Variants in LRRC69 observed in about 807,000 individuals in gnomAD.
LRRC69 encodes the protein leucine-rich repeat-containing protein 69.
Under a neutral mutation model 37.8 loss-of-function variants are expected in LRRC69, and 42 were observed. The observed-to-expected ratio is 1.11, with a 90% CI of 0.87 to 1.44. The LOEUF is 1.44. LRRC69 is among the 40% of genes most tolerant of loss of function. LRRC69 has a pLI of 0.00. For missense variants in LRRC69, 357 were observed against 401.9 expected, an observed-to-expected ratio of 0.89 and a Z score of 0.96; for synonymous variants, 141 against 143.1, an observed-to-expected ratio of 0.99 and a Z score of 0.11.
At chr8:91,172,942 G>A (rs933826197) in intron 5 of LRRC69, among the ~76,000 whole-genome samples, 2 of 151,966 alleles carry the variant, frequency 1.3e-5, no homozygotes, top group African/African-American at 4.8e-5. Context: ...ACTTATGACT[G>A]TTTTTTCAGT....
chr8:91,153,264 A>G (rs1299482144), intron 5 of LRRC69, among the ~76,000 whole-genome samples: 1 of 151,352 alleles, frequency 6.6e-6, no homozygotes, highest in Admixed American at 6.6e-5. Context: ...ACACAATAAT[A>G]GTAGGAGACT....
At chr8:91,169,362 T>A (rs1809084595) in intron 5 of LRRC69, among the ~76,000 whole-genome samples, 1 of 151,872 alleles carries the variant, frequency 6.6e-6, no homozygotes, top group Non-Finnish European at 1.5e-5. Context: ...AAATACAATT[T>A]ACCTATATAA....
chr8:91,184,172 G>C (rs1216905334), intron 5 of LRRC69, among the ~76,000 whole-genome samples: 1 of 152,064 alleles, frequency 6.6e-6, no homozygotes, highest in East Asian at 1.9e-4. Flanking sequence ...CCAGCTACTT[G>C]GGAGGCTGAG....
intron 3 of LRRC69, among the ~76,000 whole-genome samples, chr8:91,129,796 C>T (rs1419509917): frequency 6.6e-6 from 1 of 151,932 alleles, no homozygotes; most frequent in East Asian, 1.9e-4. Context: ...GCTCTTGCTT[C>T]CTTGTCATCT....
At chr8:91,131,328 C>T (rs1813806027) in intron 3 of LRRC69, among the ~76,000 whole-genome samples, 1 of 151,142 alleles carries the variant, frequency 6.6e-6, no homozygotes, top group South Asian at 2.1e-4. Flanking sequence ...TCCACCTTGG[C>T]CTCCCAAAGT....
chr8:91,179,538 C>T (rs1415590552), intron 5 of LRRC69, among the ~76,000 whole-genome samples: 3 of 152,194 alleles, frequency 2.0e-5, no homozygotes, highest in African/African-American at 7.2e-5. Flanking sequence ...AGATTCATAA[C>T]ATATAAAATA....
intron 6 of LRRC69, among the ~76,000 whole-genome samples, chr8:91,193,967 A>G (rs1809548361): frequency 7.3e-6 from 1 of 136,098 alleles, no homozygotes; most frequent in Non-Finnish European, 1.6e-5. Context: ...CCCATTCAGT[A>G]TGATATTGGC....
chr8:91,149,473 T>C (rs1349472776), intron 5 of LRRC69, among the ~76,000 whole-genome samples: 1 of 151,970 alleles, frequency 6.6e-6, no homozygotes, highest in Non-Finnish European at 1.5e-5. Flanking sequence ...TACCATGCTG[T>C]TTTGGTTACT....
Position 91,200,716 on chromosome 8 carries a change from GA to G in LRRC69, c.862del (p.Thr288HisfsTer10). On this transcript the variant is annotated frameshift_variant, in exon 7 of 8. Transcript: ENST00000448384. LOFTEE classifies it high-confidence loss of function. ...CAAGTCAGGAGCATGATCTCTCAGG[GA>G]AAAACATGTGCAATATGTGGACAGT... 1.3e-6 allele frequency: 2 copies of G among 1,534,938 alleles called. No individual in the cohort carries two copies. The highest frequency in any genetic ancestry group is 1.2e-5 in the South Asian group (1 of 80,398).
Position 91,206,882 on chromosome 8 carries a change from G to A in LRRC69, c.933+6090G>A, listed in dbSNP as rs930855413. On this transcript the variant is annotated intron_variant, in intron 7 of 7. Coordinates refer to ENST00000448384, the Ensembl canonical transcript of LRRC69. ...CAATTTCAGAAAGCTGCCAAGTAGA[G>A]GATATGGGCAGGGAACTCATACATG... The A allele has an allele frequency of 5.0e-5, 63 of 1,267,934 alleles. No individual in the cohort carries two copies. In the African/African-American group the frequency reaches 8.4e-4, roughly 17 times the overall value. 78.5% of individuals were successfully genotyped at this position (1,267,934 alleles called of 1,614,324 possible).
At chr8:91,155,445 T>A (rs961683486) in intron 5 of LRRC69, among the ~76,000 whole-genome samples, 5 of 150,790 alleles carry the variant, frequency 3.3e-5, no homozygotes, top group Non-Finnish European at 7.4e-5. Context: ...AGCATATCCA[T>A]TACCTCAAAT....
intron 1 of LRRC69, among the ~76,000 whole-genome samples, chr8:91,113,545 G>T (rs1307699558): frequency 2.6e-5 from 4 of 151,866 alleles, no homozygotes; most frequent in East Asian, 1.9e-4. Context: ...ATCTCATATG[G>T]TATACAAAAA....
At chr8:91,148,397 A>G (rs570052894) in intron 5 of LRRC69, among the ~76,000 whole-genome samples, 2 of 151,572 alleles carry the variant, frequency 1.3e-5, no homozygotes, top group East Asian at 3.9e-4. Context: ...CCATGTCCCT[A>G]CAAAGGACAT....
rs569387500 is a variant in LRRC69, at chr8:91,136,269, A to G, written c.651+530A>G. Among the ~76,000 whole-genome samples the G allele has an allele frequency of 3.3e-5, 5 of 152,084 alleles. No individual in the cohort carries two copies. The East Asian group carries it at 9.7e-4, about 29-fold the overall frequency. On this transcript the variant is annotated intron_variant, in intron 5 of 7. Transcript: ENST00000448384. Reference sequence around the variant, plus strand: ...TTTTCCTATTGCATTTTTATATCCAATTGAACATGCTTAAACATTCATGGT... The same window carrying G: ...TTTTCCTATTGCATTTTTATATCCAGTTGAACATGCTTAAACATTCATGGT...
intron 7 of LRRC69, among the ~76,000 whole-genome samples, chr8:91,202,302 T>G (rs80331523): frequency 0.013 from 1,951 of 152,288 alleles, 49 homozygotes; most frequent in African/African-American, 0.045. Context: ...GCTAGAAGTT[T>G]AAAATCAGGT....
chr8:91,107,633 A>G (rs1195715713), intron 1 of LRRC69, among the ~76,000 whole-genome samples: 1 of 152,038 alleles, frequency 6.6e-6, no homozygotes, highest in Non-Finnish European at 1.5e-5. Flanking sequence ...TGTTACCATT[A>G]TGATATGACT....
chr8:91,172,008 A>C (rs545233556), intron 5 of LRRC69, among the ~76,000 whole-genome samples: 2 of 151,916 alleles, frequency 1.3e-5, no homozygotes, highest in Non-Finnish European at 2.9e-5. Flanking sequence ...TATTAGTATT[A>C]TCATACATAT....
At chr8:91,167,782 C>CA (rs2130575946) in intron 5 of LRRC69, among the ~76,000 whole-genome samples, 1 of 151,976 alleles carries the variant, frequency 6.6e-6, no homozygotes, top group Admixed American at 6.6e-5. Context: ...AGTCAGCACA[C>CA]CAGTGATAGT....
intron 5 of LRRC69, among the ~76,000 whole-genome samples, chr8:91,165,848 G>A (rs1809019546): frequency 6.6e-6 from 1 of 151,744 alleles, no homozygotes; most frequent in Admixed American, 6.6e-5. Flanking sequence ...AACAGCTATT[G>A]CAAGAGATCC....
Sources: allele counts gnomAD v4.1 joint callset (sites outside exome capture counted in the v4.1 genomes callset), GRCh38; gene constraint gnomAD v4.1.1; transcripts MANE v1.5; gene names NCBI Gene and HGNC (gene_info 2026-07-23, HGNC 2026-07-21).